Variants in UBE2G1 observed in about 807,000 individuals in gnomAD.
UBE2G1 encodes the protein ubiquitin conjugating enzyme E2 G1.
A neutral mutation model predicts 22.7 loss-of-function variants in UBE2G1; 5 were observed. The observed-to-expected ratio is 0.22, with a 90% CI of 0.12 to 0.46. UBE2G1 has a LOEUF of 0.46. UBE2G1 is among the 20% of genes least tolerant of loss of function. The probability of loss-of-function intolerance (pLI) is 0.99; values close to 1 mark genes in which losing one functional copy is unlikely to be tolerated. For synonymous variants in UBE2G1, 74 were observed against 67.5 expected (o/e 1.10, Z -0.47); for missense variants, 88 against 203.9 (o/e 0.43, Z 3.46).
rs193279738 is a variant in UBE2G1 at position 4,270,125 on chromosome 17, G to A, written c.*2429C>T. Reference sequence around the variant, plus strand: ...ATGCCTGGCTCTCACTTCCACTCCCGTAGAGCTAGCCCTAAAAAAAAAACC... The same window carrying A: ...ATGCCTGGCTCTCACTTCCACTCCCATAGAGCTAGCCCTAAAAAAAAAACC... On this transcript the variant is annotated 3_prime_UTR_variant, in exon 6 of 6. Transcript: ENST00000396981. 1.2e-3 allele frequency: 189 copies of A among 152,476 alleles called. 1 individual carries two copies. Among genetic ancestry groups the A allele is most frequent in the Non-Finnish European group, 1.9e-3 (132 of 67,960 alleles). 9.4% of individuals were successfully genotyped at this position (152,476 alleles called of 1,614,324 possible). A position where few individuals can be genotyped will look rare whatever the true frequency, so the allele number is the denominator to read the frequency against.
In UBE2G1 at chr17:4,357,294, G is replaced by A. The variant is rs535266856; in HGVS notation, c.46+8977C>T. Among the ~76,000 whole-genome samples the A allele has an allele frequency of 2.6e-5, 4 of 151,804 alleles. 1 individual carries two copies. Among genetic ancestry groups the A allele is most frequent in the African/African-American group, 7.2e-5 (3 of 41,380 alleles). The stretch of plus-strand genomic sequence containing the variant: ...CCCAGAGTGCAAGAGTAGTAATGCC[G>A]GCATATTGTTATCATTGCTCTGTGT... On this transcript the variant is annotated intron_variant, in intron 1 of 5. Coordinates refer to ENST00000396981, the MANE Select transcript of UBE2G1 (RefSeq NM_003342.5).
At position 4,353,142 on chromosome 17, in the gene UBE2G1, C is replaced by G. The variant is rs534272396; in HGVS notation, c.46+13129G>C. On this transcript the variant is annotated intron_variant, in intron 1 of 5. Transcript: ENST00000396981. ...TTGAGGCAGGAGAATTGCTTGAACC[C>G]AGGAGGCGGAGGCTGCGGTGAGCCG... Among the ~76,000 whole-genome samples the G allele has an allele frequency of 1.4e-3, 210 of 152,094 alleles. 1 individual carries two copies. The highest frequency in any genetic ancestry group is 4.7e-3 in the African/African-American group (197 of 41,486).
At chr17:4,356,367 T>TTAAA (rs529971136) in intron 1 of UBE2G1, among the ~76,000 whole-genome samples, 6 of 151,562 alleles carry the variant, frequency 4.0e-5, no homozygotes, top group Non-Finnish European at 5.9e-5. Flanking sequence ...AAAAAAAAAA[T>TTAAA]TAAATAAATA....
At position 4,307,035 on chromosome 17, in the gene UBE2G1, A is replaced by G; in HGVS notation, c.135T>C (p.Pro45=). 2 of 1,613,638 alleles carry G rather than the reference A, an allele frequency of 1.2e-6. No homozygotes were observed. Among genetic ancestry groups the G allele is most frequent in the East Asian group, 2.2e-5 (1 of 44,862 alleles). Residue 45 remains proline (P), a synonymous_variant, in exon 2 of 6, where the codon CCT becomes CCC. Transcript: ENST00000396981. ...ATTATACTTACTAAAGTGTATCTGG[A>G]GGGCCAATAATAAGGACTTCCCATC... ...LYRWEVLIIG[P]PDTLYEGGVF... is the part of the protein sequence containing the mutation.
At chr17:4,296,033 T>A (rs1969106142) in intron 3 of UBE2G1, among the ~76,000 whole-genome samples, 1 of 151,106 alleles carries the variant, frequency 6.6e-6, no homozygotes, top group Non-Finnish European at 1.5e-5. Context: ...TTGTCCATGG[T>A]ATAAAAATAA....
At chr17:4,349,602 G>C (rs1024857162) in intron 1 of UBE2G1, among the ~76,000 whole-genome samples, 2 of 152,080 alleles carry the variant, frequency 1.3e-5, no homozygotes, top group African/African-American at 4.8e-5. Context: ...CCAGCAGCTT[G>C]GGAGGCCGAG....
rs1420465876 is a variant in UBE2G1, at chr17:4,271,594, A to C, written c.*960T>G. 1.3e-5 allele frequency: 2 copies of C among 149,734 alleles called. No homozygotes were observed. Among genetic ancestry groups the C allele is most frequent in the South Asian group, 4.3e-4 (2 of 4,620 alleles). 9.3% of individuals were successfully genotyped at this position (149,734 alleles called of 1,614,324 possible). ...AGAGAAATATGAAGGACTAAGGAGA[A>C]GGGTATGAGAGTAAATAGGATTTGT... On this transcript the variant is annotated 3_prime_UTR_variant, in exon 6 of 6. Coordinates refer to ENST00000396981, the MANE Select transcript of UBE2G1 (RefSeq NM_003342.5).
rs114434433 is a variant in UBE2G1, at chr17:4,326,344, A to G, written c.47-19221T>C. Among the ~76,000 whole-genome samples the G allele has an allele frequency of 3.1e-3, 473 of 152,314 alleles. 1 individual carries two copies. The highest frequency in any genetic ancestry group is 0.011 in the African/African-American group (445 of 41,574). ...AACAAGCACAATGCAAAGATGCTCA[A>G]TATCACTAATAATAGAAGAAATTCA... On this transcript the variant is annotated intron_variant, in intron 1 of 5. Transcript: ENST00000396981.
chr17:4,355,524 C>G (rs1219907936), intron 1 of UBE2G1, among the ~76,000 whole-genome samples: 1 of 148,334 alleles, frequency 6.7e-6, no homozygotes, highest in Non-Finnish European at 1.5e-5. Flanking sequence ...CGCCTGTAGT[C>G]CCAGCTACTT....
chr17:4,357,912 C>T (rs537666369), intron 1 of UBE2G1, among the ~76,000 whole-genome samples: 2 of 151,518 alleles, frequency 1.3e-5, no homozygotes, highest in South Asian at 4.2e-4. Context: ...CCAGCCTGGG[C>T]AACACAGCAA....
chr17:4,304,603 G>C (rs937708677), intron 2 of UBE2G1, among the ~76,000 whole-genome samples: 1 of 152,118 alleles, frequency 6.6e-6, no homozygotes, highest in Admixed American at 6.5e-5. Context: ...AAAGAGAGTG[G>C]AGCGCCCTCT....
chr17:4,335,944 G>A (rs1969640537), intron 1 of UBE2G1, among the ~76,000 whole-genome samples: 2 of 152,042 alleles, frequency 1.3e-5, no homozygotes, highest in South Asian at 2.1e-4. Flanking sequence ...TCAGGAGTTC[G>A]AGACCAGCCT....
intron 3 of UBE2G1, among the ~76,000 whole-genome samples, chr17:4,290,843 T>C (rs567289175): frequency 1.4e-4 from 21 of 148,486 alleles, no homozygotes; most frequent in African/African-American, 5.2e-4. Context: ...GGTCCCAAAC[T>C]GGGATTACAG....
At chr17:4,344,220 G>GT (rs1969743641) in intron 1 of UBE2G1, among the ~76,000 whole-genome samples, 1 of 152,160 alleles carries the variant, frequency 6.6e-6, no homozygotes, top group African/African-American at 2.4e-5. Context: ...GTTATACAAA[G>GT]TAAGTCTGTA....
At chr17:4,330,315 C>A (rs369471078) in intron 1 of UBE2G1, among the ~76,000 whole-genome samples, 2 of 152,118 alleles carry the variant, frequency 1.3e-5, no homozygotes, top group South Asian at 4.1e-4. Flanking sequence ...CTTTTCCATA[C>A]GCCACTCCAA....
At chr17:4,276,780 A>G (rs1371942522) in intron 5 of UBE2G1, among the ~76,000 whole-genome samples, 1 of 152,216 alleles carries the variant, frequency 6.6e-6, no homozygotes, top group African/African-American at 2.4e-5. Flanking sequence ...GGTGCTCTCA[A>G]AAACAAGAGT....
intron 1 of UBE2G1, among the ~76,000 whole-genome samples, chr17:4,316,284 A>C (rs1233072864): frequency 1.3e-5 from 2 of 152,032 alleles, no homozygotes; most frequent in African/African-American, 4.8e-5. Flanking sequence ...TATGTCTGTA[A>C]AGTAACTATT....
chr17:4,304,276 G>A (rs1405177442), intron 2 of UBE2G1, among the ~76,000 whole-genome samples: 1 of 152,054 alleles, frequency 6.6e-6, no homozygotes, highest in Non-Finnish European at 1.5e-5. Flanking sequence ...GATTATAGAC[G>A]TGAGCCACTG....
chr17:4,364,258 T>A (rs1407502420), intron 1 of UBE2G1: 3 of 118,898 alleles, frequency 2.5e-5, no homozygotes, highest in East Asian at 4.6e-4. Flanking sequence ...AGTGAGACTC[T>A]GCCTCAAAAA....
Sources: allele counts gnomAD v4.1 joint callset (sites outside exome capture counted in the v4.1 genomes callset), GRCh38; gene constraint gnomAD v4.1.1; transcripts MANE v1.5; gene names NCBI Gene and HGNC (gene_info 2026-07-23, HGNC 2026-07-21).